The following CDKAL1 variants were observed in gnomAD, a reference collection of about 807,000 sequenced individuals.
CDKAL1 encodes the protein threonylcarbamoyladenosine tRNA methylthiotransferase.
CDKAL1 carries 32 observed loss-of-function variants against 68.2 expected under a neutral mutation model. The ratio of observed to expected loss-of-function variants is 0.47; its 90% confidence interval spans 0.35 to 0.63. CDKAL1 has a LOEUF of 0.63. CDKAL1 is among the 30% of genes least tolerant of loss of function. The pLI is 0.00. For synonymous variants in CDKAL1, 234 were observed against 244.3 expected (o/e 0.96, Z 0.39); for missense variants, 606 against 696.7 (o/e 0.87, Z 1.47).
chr6:20,893,183 A>G (rs534967807), intron 9 of CDKAL1, among the ~76,000 whole-genome samples: 41 of 152,372 alleles, frequency 2.7e-4, no homozygotes, highest in African/African-American at 9.1e-4. Flanking sequence ...GAAGCGCATT[A>G]GAACATCTTA....
At chr6:20,903,332 C>A (rs1214387539) in intron 9 of CDKAL1, among the ~76,000 whole-genome samples, 1 of 152,162 alleles carries the variant, frequency 6.6e-6, no homozygotes, top group Non-Finnish European at 1.5e-5. Context: ...GAGATGTGTT[C>A]TTGAATAAAG....
At chr6:21,054,590 A>G (rs909056536) in intron 11 of CDKAL1, among the ~76,000 whole-genome samples, 2 of 152,148 alleles carry the variant, frequency 1.3e-5, no homozygotes, top group South Asian at 2.1e-4. Context: ...TGAAAATTAT[A>G]TATTCTTCCA....
At chr6:20,904,953 C>T (rs747454748) in intron 9 of CDKAL1, among the ~76,000 whole-genome samples, 9 of 152,140 alleles carry the variant, frequency 5.9e-5, no homozygotes, top group African/African-American at 2.2e-4. Flanking sequence ...AACCAAAAGC[C>T]GCAGCAAACC....
chr6:20,808,346 G>T (rs1017121128), intron 8 of CDKAL1, among the ~76,000 whole-genome samples: 1 of 152,002 alleles, frequency 6.6e-6, no homozygotes, highest in Non-Finnish European at 1.5e-5. Context: ...CTCTTATTAT[G>T]TAAGTACCTA....
At chr6:20,923,888 T>C (rs2328550) in intron 9 of CDKAL1, among the ~76,000 whole-genome samples, 145,928 of 152,238 alleles carry the variant, frequency 0.96, 69,951 homozygotes, top group East Asian at 1. Context: ...GGTGCGTACC[T>C]GTAGACCTAG....
chr6:20,595,639 G>C (rs1339865562), intron 4 of CDKAL1, among the ~76,000 whole-genome samples: 2 of 151,992 alleles, frequency 1.3e-5, no homozygotes, highest in African/African-American at 4.8e-5. Flanking sequence ...GCTCATAGGA[G>C]TTTGTTATTA....
chr6:20,844,604 C>G (rs532790843), intron 8 of CDKAL1, among the ~76,000 whole-genome samples: 1 of 151,556 alleles, frequency 6.6e-6, no homozygotes, highest in South Asian at 2.1e-4. Context: ...AATCCCAGCA[C>G]TTTGGGAGGC....
intron 13 of CDKAL1, among the ~76,000 whole-genome samples, chr6:21,177,073 C>T (rs575674472): frequency 7.2e-5 from 11 of 152,304 alleles, no homozygotes; most frequent in South Asian, 6.2e-4. Flanking sequence ...AAATCCACAA[C>T]TCTGCTATTC....
chr6:20,849,607 T>C (rs1267979078), intron 9 of CDKAL1, among the ~76,000 whole-genome samples: 1 of 150,046 alleles, frequency 6.7e-6, no homozygotes, highest in African/African-American at 2.4e-5. Flanking sequence ...AAAAACATTA[T>C]GAAGAAGAAA....
chr6:20,639,085 G>A (rs1768042415), intron 4 of CDKAL1, among the ~76,000 whole-genome samples: 1 of 152,014 alleles, frequency 6.6e-6, no homozygotes, highest in South Asian at 2.1e-4. Context: ...CTATGACCAG[G>A]CCTACTTAGC....
intron 9 of CDKAL1, among the ~76,000 whole-genome samples, chr6:20,902,695 G>A (rs934241913): frequency 1.3e-5 from 2 of 152,122 alleles, no homozygotes; most frequent in Non-Finnish European, 2.9e-5. Flanking sequence ...ATTGCTTAAG[G>A]ACAGAGTGTA....
intron 9 of CDKAL1, among the ~76,000 whole-genome samples, chr6:20,885,202 C>T (rs866672313): frequency 6.6e-6 from 1 of 152,122 alleles, no homozygotes; most frequent in Non-Finnish European, 1.5e-5. Context: ...GTTGCAAGGG[C>T]CCTGAGTAAC....
chr6:20,775,316 A>G (rs1177017062), intron 7 of CDKAL1, among the ~76,000 whole-genome samples: 1 of 151,912 alleles, frequency 6.6e-6, no homozygotes, highest in East Asian at 1.9e-4. Flanking sequence ...TTTCTTTTCT[A>G]TATTGTTTTG....
chr6:20,858,859 GA>G (rs904288068), intron 9 of CDKAL1, among the ~76,000 whole-genome samples: 10 of 152,042 alleles, frequency 6.6e-5, no homozygotes, highest in African/African-American at 2.2e-4. Flanking sequence ...ATTAAAAACA[GA>G]AAAAAAGGAG....
At chr6:21,213,700 G>C (rs1346586839) in intron 15 of CDKAL1, among the ~76,000 whole-genome samples, 2 of 152,090 alleles carry the variant, frequency 1.3e-5, no homozygotes, top group Non-Finnish European at 2.9e-5. Context: ...CCCCTGCCGT[G>C]TACTATATTA....
At chr6:20,685,688 A>C (rs996770426) in intron 5 of CDKAL1, among the ~76,000 whole-genome samples, 4 of 152,078 alleles carry the variant, frequency 2.6e-5, no homozygotes, top group African/African-American at 9.7e-5. Flanking sequence ...GAGTTTTTTT[A>C]GTTTTTTAAA....
chr6:20,859,288 A>T (rs1759491594), intron 9 of CDKAL1, among the ~76,000 whole-genome samples: 2 of 151,848 alleles, frequency 1.3e-5, no homozygotes, highest in Admixed American at 6.5e-5. Context: ...AGAAAAAATA[A>T]AAAACTTAAA....
At chr6:20,691,964 TTGG>T (rs1770890475) in intron 5 of CDKAL1, among the ~76,000 whole-genome samples, 2 of 152,088 alleles carry the variant, frequency 1.3e-5, no homozygotes, top group Non-Finnish European at 2.9e-5. Flanking sequence ...ATACATAAAT[TTGG>T]TGGTATGCAC....
intron 15 of CDKAL1, among the ~76,000 whole-genome samples, chr6:21,202,458 G>C (rs1778731295): frequency 6.6e-6 from 1 of 152,012 alleles, no homozygotes; most frequent in Admixed American, 6.5e-5. Context: ...AGTGTAACCT[G>C]GCATTTAAAT....
Sources: gnomAD v4.1 joint callset for allele counts (sites outside exome capture counted in the v4.1 genomes callset) on GRCh38, gnomAD v4.1.1 for gene constraint, MANE v1.5 for transcripts, NCBI Gene and HGNC (gene_info 2026-07-23, HGNC 2026-07-21) for gene names.